Variants in GNAO1 observed in about 807,000 individuals in gnomAD.
GNAO1 encodes the protein G protein subunit alpha o1, also known as guanine nucleotide-binding protein G(o) subunit alpha.
For missense variants in GNAO1, 166 were observed against 478.7 expected, an observed-to-expected ratio of 0.35 and a Z score of 6.10; for synonymous variants, 164 against 180.7, an observed-to-expected ratio of 0.91 and a Z score of 0.74.
chr16:56,345,218 C>A (rs2037853829), intron 6 of GNAO1: 1 of 985,592 alleles, frequency 1.0e-6, no homozygotes, highest in Non-Finnish European at 1.2e-6. Flanking sequence ...CAAGATGCCT[C>A]CAGGTGGCTG....
chr16:56,273,529 A>G (rs1409151352), intron 2 of GNAO1, among the ~76,000 whole-genome samples: 2 of 152,136 alleles, frequency 1.3e-5, no homozygotes, highest in Non-Finnish European at 2.9e-5. Flanking sequence ...TATCATAGTT[A>G]TGGGTCATGC....
intron 2 of GNAO1, among the ~76,000 whole-genome samples, chr16:56,265,332 C>A (rs1390293133): frequency 6.6e-6 from 1 of 152,226 alleles, no homozygotes; most frequent in East Asian, 1.9e-4. Context: ...CCCTCTTATG[C>A]ATGTCCACAG....
chr16:56,299,830 C>A (rs1397118846), intron 3 of GNAO1, among the ~76,000 whole-genome samples: 9 of 152,204 alleles, frequency 5.9e-5, no homozygotes, highest in African/African-American at 9.6e-5. Flanking sequence ...TGGCTTATTA[C>A]TCTGCTGGGA....
intron 6 of GNAO1, chr16:56,347,238 G>A: frequency 7.1e-6 from 7 of 985,454 alleles, no homozygotes; most frequent in Non-Finnish European, 8.4e-6. Context: ...GAGCCTTCAG[G>A]CAAAACCTGG....
intron 2 of GNAO1, among the ~76,000 whole-genome samples, chr16:56,262,250 G>A (rs1173861700): frequency 6.6e-6 from 1 of 152,190 alleles, no homozygotes; most frequent in Admixed American, 6.5e-5. Flanking sequence ...TCACCACCGC[G>A]CCCCACAGCA....
intron 6 of GNAO1, chr16:56,347,922 G>A: frequency 1.1e-6 from 1 of 877,990 alleles, no homozygotes; most frequent in Non-Finnish European, 1.3e-6. Context: ...CCCCCACCCT[G>A]CCCCTGCTGA....
At chr16:56,261,898 A>G (rs1798114431) in intron 2 of GNAO1, among the ~76,000 whole-genome samples, 1 of 152,218 alleles carries the variant, frequency 6.6e-6, no homozygotes, top group Admixed American at 6.5e-5. Flanking sequence ...AATGCCGTCA[A>G]GACTCCTGAC....
At chr16:56,259,539 T>A (rs1202948708) in intron 2 of GNAO1, among the ~76,000 whole-genome samples, 1 of 152,222 alleles carries the variant, frequency 6.6e-6, no homozygotes, top group Non-Finnish European at 1.5e-5. Context: ...GCCGTGGTGA[T>A]AATAAGCAGA....
chr16:56,345,147 C>A (rs2037852722), intron 6 of GNAO1: 1 of 985,738 alleles, frequency 1.0e-6, no homozygotes, highest in South Asian at 4.7e-5. Context: ...GGGGTAGCTT[C>A]TCCCGGTGAC....
intron 6 of GNAO1, among the ~76,000 whole-genome samples, chr16:56,337,743 G>A (rs72814463): frequency 0.026 from 4,033 of 152,318 alleles, 71 homozygotes; most frequent in East Asian, 0.051. Flanking sequence ...CAAGCTGGTG[G>A]TTGTACAGTT....
At chr16:56,340,898 C>T (rs761819608) in intron 6 of GNAO1, 9 of 1,613,482 alleles carry the variant, frequency 5.6e-6, no homozygotes, top group East Asian at 2.2e-5. Context: ...TTCACAGACA[C>T]GTCCATCATC....
chr16:56,322,161 G>A (rs2037579210), intron 3 of GNAO1, among the ~76,000 whole-genome samples: 1 of 152,096 alleles, frequency 6.6e-6, no homozygotes, highest in Non-Finnish European at 1.5e-5. Flanking sequence ...CCTCCCAAAG[G>A]CCCCATCTCC....
Position 56,341,126 on chromosome 16 carries a change from C to T in GNAO1, c.723+4266C>T, listed in dbSNP as rs1355324948. The T allele has an allele frequency of 4.2e-6, 3 of 714,096 alleles. No homozygotes were observed. The Admixed American group carries it at 6.9e-5, about 16-fold the overall frequency. The allele number at this position is 714,096 out of a possible 1,614,324, so 44.2% of individuals were successfully genotyped here. A position where few individuals can be genotyped will look rare whatever the true frequency, so the allele number is the denominator to read the frequency against. On this transcript the variant is annotated intron_variant, in intron 6 of 8. Coordinates refer to ENST00000262493, the MANE Select transcript of GNAO1 (RefSeq NM_020988.3). ...CACAAACGGTCCCCCACCCTGCCCC[C>T]AGATTGTGCTCTAGAGAGGAGGGGC...
intron 2 of GNAO1, chr16:56,193,612 C>T (rs1165078441): frequency 6.3e-6 from 1 of 157,858 alleles, no homozygotes; most frequent in African/African-American, 2.4e-5. Context: ...TGGGATATTC[C>T]TTCCCTTCCA....
At chr16:56,222,101 T>A (rs1187633626) in intron 2 of GNAO1, among the ~76,000 whole-genome samples, 1 of 152,156 alleles carries the variant, frequency 6.6e-6, no homozygotes, top group Non-Finnish European at 1.5e-5. Context: ...AACAGGAGAT[T>A]GAGAAAGCCT....
At chr16:56,315,632 G>T (rs1254008487) in intron 3 of GNAO1, among the ~76,000 whole-genome samples, 1 of 152,126 alleles carries the variant, frequency 6.6e-6, no homozygotes, top group Non-Finnish European at 1.5e-5. Flanking sequence ...TCCCAGAGGG[G>T]CAGTGGTTGG....
chr16:56,247,643 C>T (rs2036761515), intron 2 of GNAO1, among the ~76,000 whole-genome samples: 1 of 152,050 alleles, frequency 6.6e-6, no homozygotes, highest in African/African-American at 2.4e-5. Flanking sequence ...TTGAACAGTC[C>T]TCCCCTAAAG....
chr16:56,236,649 C>A (rs2036639636), intron 2 of GNAO1, among the ~76,000 whole-genome samples: 1 of 152,194 alleles, frequency 6.6e-6, no homozygotes, highest in Admixed American at 6.5e-5. Context: ...AGTGACCTTT[C>A]CAAGCTAGTC....
At chr16:56,210,341 G>GT (rs1360064767) in intron 2 of GNAO1, among the ~76,000 whole-genome samples, 1 of 152,176 alleles carries the variant, frequency 6.6e-6, no homozygotes, top group East Asian at 1.9e-4. Flanking sequence ...TTGCTTCCAA[G>GT]TTTTGGGAAT....
Sources: allele counts gnomAD v4.1 joint callset (sites outside exome capture counted in the v4.1 genomes callset), GRCh38; gene constraint gnomAD v4.1.1; transcripts MANE v1.5; gene names NCBI Gene and HGNC (gene_info 2026-07-23, HGNC 2026-07-21).